The following KLHL6 variants were observed in gnomAD, a reference collection of about 807,000 sequenced individuals.
The protein encoded by KLHL6 is kelch-like protein 6.
In KLHL6, 41 loss-of-function variants were observed where a neutral mutation model predicts 58.6. The ratio of observed to expected loss-of-function variants is 0.70; its 90% confidence interval spans 0.55 to 0.91. The LOEUF is 0.91. KLHL6 is among the 40% of genes least tolerant of loss of function. The pLI is 0.00. For synonymous variants in KLHL6, 338 were observed against 322.7 expected, an observed-to-expected ratio of 1.05 and a Z score of -0.51; for missense variants, 714 against 805.6, an observed-to-expected ratio of 0.89 and a Z score of 1.38.
At chr3:183,504,938 A>G (rs952306040) in intron 3 of KLHL6, among the ~76,000 whole-genome samples, 1 of 152,166 alleles carries the variant, frequency 6.6e-6, no homozygotes, top group Admixed American at 6.5e-5. Context: ...GCTCTCACTT[A>G]TAAGTGAAAA....
At chr3:183,527,508 T>G (rs1234634648) in intron 2 of KLHL6, among the ~76,000 whole-genome samples, 1 of 152,202 alleles carries the variant, frequency 6.6e-6, no homozygotes, top group Middle Eastern at 3.2e-3. Context: ...GAAGAGCCAC[T>G]GGCTCCAATT....
At chr3:183,500,108 CTGTTT>C (rs1174317146) in intron 3 of KLHL6, among the ~76,000 whole-genome samples, 1 of 152,180 alleles carries the variant, frequency 6.6e-6, no homozygotes, top group African/African-American at 2.4e-5. Context: ...GTTTTTGCTG[CTGTTT>C]TAAGAGGTGA....
chr3:183,492,213 GC>G lies in KLHL6; in HGVS notation c.1579del (p.Ala527ArgfsTer15). The G allele has an allele frequency of 6.2e-7, 1 of 1,603,722 alleles. No individual in the cohort carries two copies. Among genetic ancestry groups the G allele is most frequent in the South Asian group, 1.1e-5 (1 of 90,228 alleles). On this transcript the variant is annotated frameshift_variant, in exon 7 of 7. Transcript: ENST00000341319. LOFTEE classifies it high-confidence loss of function. This position sits in a 1 kb window ranked among gnomAD's most constrained non-coding sequence, Gnocchi z 5.9. The part of the protein sequence containing the change: ...RIYVVGGAMR[A>X]LYAYSPLEDS... Reference sequence around the variant, plus strand: ...TTCCAGCGGGCTGTAGGCGTACAGCGCTCTCATGGCCCCACCTGAGGAGAGG... The same window carrying G: ...TTCCAGCGGGCTGTAGGCGTACAGCGTCTCATGGCCCCACCTGAGGAGAGG...
chr3:183,503,609 G>A (rs758994957), intron 3 of KLHL6, among the ~76,000 whole-genome samples: 4 of 152,060 alleles, frequency 2.6e-5, no homozygotes, highest in African/African-American at 4.8e-5. Flanking sequence ...GAGGAACCCC[G>A]TCTCTATTAA....
intron 2 of KLHL6, among the ~76,000 whole-genome samples, chr3:183,510,295 G>A (rs1441616706): frequency 8.5e-6 from 1 of 118,190 alleles, no homozygotes; most frequent in African/African-American, 3.2e-5. Flanking sequence ...GGCTGAGGGG[G>A]CAAGACCTGG....
At chr3:183,518,389 C>T (rs1053563609) in intron 2 of KLHL6, among the ~76,000 whole-genome samples, 3 of 152,078 alleles carry the variant, frequency 2.0e-5, no homozygotes, top group African/African-American at 7.2e-5. Flanking sequence ...GACAAAATTG[C>T]TACAAAAATG....
At chr3:183,530,922 C>T (rs1577196069) in intron 1 of KLHL6, among the ~76,000 whole-genome samples, 2 of 151,318 alleles carry the variant, frequency 1.3e-5, no homozygotes, top group East Asian at 3.9e-4. Context: ...ACCTCTGCCT[C>T]CCAAGTTCAA....
chr3:183,525,710 A>G (rs1441682090), intron 2 of KLHL6, among the ~76,000 whole-genome samples: 1 of 152,246 alleles, frequency 6.6e-6, no homozygotes, highest in Non-Finnish European at 1.5e-5. Context: ...CATGTTTCAC[A>G]TCTAATGTGA....
intron 2 of KLHL6, 27 bp from the exon 3 acceptor site, chr3:183,508,535 A>G: frequency 6.3e-7 from 1 of 1,595,998 alleles, no homozygotes. Context: ...GGTGGAAAGG[A>G]GGCCAGAAAA....
At chr3:183,540,985 T>TTTTCCAC (rs1195665796) in intron 1 of KLHL6, among the ~76,000 whole-genome samples, 9 of 152,122 alleles carry the variant, frequency 5.9e-5, no homozygotes, top group Non-Finnish European at 1.2e-4. Flanking sequence ...ATGACCCTCT[T>TTTTCCAC]TTTCCACTTT....
rs1265533378 is a variant in KLHL6 at position 183,492,448 on chromosome 3, T to C, written c.1564+46A>G. 5 of 1,597,000 alleles carry C rather than the reference T, an allele frequency of 3.1e-6. No individual in the cohort carries two copies. Among genetic ancestry groups the C allele is most frequent in the Non-Finnish European group, 4.3e-6 (5 of 1,164,982 alleles). ...CCGTTTACGTGCTGCAGCCAGGCGC[T>C]CATCAGGTTCTAAGCCATTCAGACC... On this transcript the variant is annotated intron_variant, in intron 6 of 6. Coordinates refer to ENST00000341319, the MANE Select transcript of KLHL6 (RefSeq NM_130446.4). This position sits in a 1 kb window ranked among gnomAD's most constrained non-coding sequence, Gnocchi z 5.9.
intron 1 of KLHL6, among the ~76,000 whole-genome samples, chr3:183,547,940 A>C (rs193145055): frequency 8.5e-5 from 13 of 152,322 alleles, no homozygotes; most frequent in Admixed American, 3.3e-4. Flanking sequence ...TGTAGGCTAC[A>C]TAAGCTGAAA....
intron 3 of KLHL6, among the ~76,000 whole-genome samples, chr3:183,506,178 T>C (rs910281232): frequency 6.6e-6 from 1 of 152,228 alleles, no homozygotes; most frequent in Admixed American, 6.5e-5. Context: ...GTACAAACTG[T>C]TAACAAACTG....
chr3:183,527,392 T>C (rs969440876), intron 2 of KLHL6, among the ~76,000 whole-genome samples: 1 of 152,188 alleles, frequency 6.6e-6, no homozygotes, highest in Admixed American at 6.5e-5. Flanking sequence ...TAAAAAGTTT[T>C]TATAGCTCTT....
chr3:183,514,147 G>A (rs754912293), intron 2 of KLHL6, among the ~76,000 whole-genome samples: 8 of 152,190 alleles, frequency 5.3e-5, no homozygotes, highest in Admixed American at 1.3e-4. Flanking sequence ...AAGCGCCTGC[G>A]CTCATTGAAG....
chr3:183,535,222 C>T (rs1362701024), intron 1 of KLHL6, among the ~76,000 whole-genome samples: 3 of 152,178 alleles, frequency 2.0e-5, no homozygotes, highest in African/African-American at 4.8e-5. Context: ...GGATTACAGG[C>T]GTGAGCCAAC....
chr3:183,511,379 G>A (rs1446708572), intron 2 of KLHL6, among the ~76,000 whole-genome samples: 1 of 152,212 alleles, frequency 6.6e-6, no homozygotes, highest in Non-Finnish European at 1.5e-5. Flanking sequence ...CTGAACAAAT[G>A]TACAATCGGG....
intron 2 of KLHL6, among the ~76,000 whole-genome samples, chr3:183,515,396 A>C (rs147633329): frequency 9.5e-4 from 145 of 152,240 alleles, no homozygotes; most frequent in Non-Finnish European, 1.6e-3. Flanking sequence ...AAAAATGTAA[A>C]AATTAGCCTG....
intron 2 of KLHL6, among the ~76,000 whole-genome samples, chr3:183,517,465 T>C (rs1577188216): frequency 6.6e-6 from 1 of 152,202 alleles, no homozygotes; most frequent in Non-Finnish European, 1.5e-5. Flanking sequence ...GCCACTCCTT[T>C]CAGTCCTTGC....
Sources: gnomAD v4.1 joint callset for allele counts (sites outside exome capture counted in the v4.1 genomes callset) on GRCh38, gnomAD v4.1.1 for gene constraint, Gnocchi (gnomAD v3.1) non-coding constraint, MANE v1.5 for transcripts, NCBI Gene and HGNC (gene_info 2026-07-23, HGNC 2026-07-21) for gene names.